EXOC6B: variants seen among roughly 807,000 people sequenced by gnomAD.
The protein encoded by EXOC6B is SEC15 homolog B.
EXOC6B carries 54 observed loss-of-function variants against 113.5 expected under a neutral mutation model. That is an observed-to-expected ratio of 0.48 (90% CI 0.38 to 0.60). The LOEUF is 0.60. EXOC6B is among the 20% of genes least tolerant of loss of function. The pLI is 0.00. For synonymous variants in EXOC6B, 357 were observed against 339.0 expected (o/e 1.05, Z -0.58); for missense variants, 797 against 977.5 (o/e 0.82, Z 2.46).
chr2:72,735,111 T>C (rs1030293142), intron 2 of EXOC6B, among the ~76,000 whole-genome samples: 2 of 152,330 alleles, frequency 1.3e-5, no homozygotes, highest in South Asian at 4.1e-4. Context: ...GCTATCCCCA[T>C]TACAGTAGTT....
At chr2:72,618,944 G>A (rs1293678209) in intron 6 of EXOC6B, among the ~76,000 whole-genome samples, 1 of 152,174 alleles carries the variant, frequency 6.6e-6, no homozygotes, top group African/African-American at 2.4e-5. Context: ...CTTGATAACA[G>A]GAACTGATTT....
rs532221835 is a variant in EXOC6B at position 72,422,149 on chromosome 2, G to A, written c.1981-42279C>T. On this transcript the variant is annotated intron_variant, in intron 18 of 21. Transcript: ENST00000272427. ...CCCGTGCGGCCCGAGCCTCCCCAAC[G>A]AGCACCACCCCCTGCTCCAGGGTGC... Among the ~76,000 whole-genome samples the A allele has an allele frequency of 2.0e-5, 3 of 152,254 alleles. No homozygotes were observed. The South Asian group carries it at 6.2e-4, about 32-fold the overall frequency.
chr2:72,179,970 C>T (rs1419747335), intron 21 of EXOC6B, among the ~76,000 whole-genome samples: 1 of 152,216 alleles, frequency 6.6e-6, no homozygotes, highest in Non-Finnish European at 1.5e-5. Flanking sequence ...TATTTCTAAA[C>T]CTCACTCTAG....
rs1701708252 is a variant in EXOC6B, at chr2:72,525,487, C to T, written c.916-10361G>A. 2.0e-5 allele frequency among the ~76,000 whole-genome samples: 3 copies of T among 152,000 alleles called. No individual in the cohort carries two copies. The South Asian group carries it at 6.2e-4, about 32-fold the overall frequency. On this transcript the variant is annotated intron_variant, in intron 8 of 21. Coordinates refer to ENST00000272427, the MANE Select transcript of EXOC6B (RefSeq NM_015189.3). The stretch of plus-strand genomic sequence containing the variant: ...TTAAAATTACAACTTACCTACCTGG[C>T]TAGAACAACAACAACAACAAAGGCA...
At chr2:72,714,780 G>A (rs1679500824) in intron 6 of EXOC6B, among the ~76,000 whole-genome samples, 1 of 152,046 alleles carries the variant, frequency 6.6e-6, no homozygotes, top group Admixed American at 6.6e-5. Context: ...TGAAGCAAGG[G>A]CTATGCTCCC....
chr2:72,649,462 G>A (rs545818620), intron 6 of EXOC6B, among the ~76,000 whole-genome samples: 19 of 151,642 alleles, frequency 1.3e-4, no homozygotes, highest in African/African-American at 3.6e-4. Context: ...AATGTCTCAC[G>A]TATCATATAA....
At chr2:72,435,671 G>T (rs979972243) in intron 18 of EXOC6B, among the ~76,000 whole-genome samples, 7 of 151,382 alleles carry the variant, frequency 4.6e-5, no homozygotes, top group Admixed American at 3.3e-4. Flanking sequence ...GATCTTTGTT[G>T]GTTTAAATTC....
At chr2:72,338,821 G>A (rs1003122168) in intron 19 of EXOC6B, among the ~76,000 whole-genome samples, 27 of 151,766 alleles carry the variant, frequency 1.8e-4, no homozygotes, top group Non-Finnish European at 3.5e-4. Context: ...AAGGTTATGA[G>A]GGTGTTTTTT....
chr2:72,349,904 G>A lies in EXOC6B; in HGVS notation c.2123-14884C>T, dbSNP rs1253825205. 2.6e-5 allele frequency among the ~76,000 whole-genome samples: 4 copies of A among 152,174 alleles called. No homozygotes were observed. The East Asian group carries it at 5.8e-4, about 22-fold the overall frequency. On this transcript the variant is annotated intron_variant, in intron 19 of 21. Transcript: ENST00000272427. The stretch of plus-strand genomic sequence containing the variant: ...GAGTCTGAAGTGGGGCAGTCTTGTC[G>A]GACTGACCCCCAATTTGTGGGGACT...
chr2:72,614,344 G>C (rs180907570), intron 6 of EXOC6B, among the ~76,000 whole-genome samples: 60 of 152,182 alleles, frequency 3.9e-4, no homozygotes, highest in Non-Finnish European at 7.9e-4. Context: ...ATGAAACAGG[G>C]GCAGGGCAGG....
At chr2:72,463,490 T>C (rs1462803534) in intron 18 of EXOC6B, 1 of 152,004 alleles carries the variant, frequency 6.6e-6, no homozygotes, top group East Asian at 1.9e-4. Context: ...TTGAGGAACG[T>C]AGACAAGGGC....
At chr2:72,764,364 C>CTTTTTTTTTTTTTTTTTTTTTTTTT (rs397869115) in intron 1 of EXOC6B, among the ~76,000 whole-genome samples, 1 of 66,770 alleles carries the variant, frequency 1.5e-5, no homozygotes, top group Non-Finnish European at 2.7e-5. Context: ...TATTTTCTCT[C>CTTTTTTTTTTTTTTTTTTTTTTTTT]TTTTTTTTTT....
chr2:72,525,246 T>C (rs1161475357), intron 8 of EXOC6B, among the ~76,000 whole-genome samples: 1 of 152,222 alleles, frequency 6.6e-6, no homozygotes, highest in Non-Finnish European at 1.5e-5. Context: ...CAAGACAGAG[T>C]GTTAATTTAT....
At chr2:72,206,454 C>T (rs976755683) in intron 20 of EXOC6B, among the ~76,000 whole-genome samples, 7 of 152,118 alleles carry the variant, frequency 4.6e-5, no homozygotes, top group African/African-American at 1.4e-4. Context: ...TAGATTTATC[C>T]CTTCTCTGAA....
intron 17 of EXOC6B, among the ~76,000 whole-genome samples, chr2:72,471,733 A>C (rs1262304365): frequency 6.6e-6 from 1 of 152,068 alleles, no homozygotes; most frequent in African/African-American, 2.4e-5. Context: ...CAGACTTCCA[A>C]TACTATGTTT....
intron 6 of EXOC6B, among the ~76,000 whole-genome samples, chr2:72,679,158 CTGGGT>C (rs1249094969): frequency 1.3e-5 from 2 of 151,974 alleles, no homozygotes; most frequent in Non-Finnish European, 2.9e-5. Flanking sequence ...CCTCTACCTC[CTGGGT>C]TCAAGCGATT....
Position 72,613,745 on chromosome 2 carries a change from C to CA in EXOC6B, c.670-38078dup, listed in dbSNP as rs760649122. ...TTTCATATGTAAGCATGCATGGAAGCAAAAAAAAAAAAATCTAAAAGGTCC... is the reference window on the plus strand; with the variant it reads ...TTTCATATGTAAGCATGCATGGAAGCAAAAAAAAAAAAAATCTAAAAGGTCC... On this transcript the variant is annotated intron_variant, in intron 6 of 21. Transcript: ENST00000272427. Among the ~76,000 whole-genome samples, 1,285 of 130,920 alleles carry CA rather than the reference C, an allele frequency of 9.8e-3. 51 individuals carry two copies. The highest frequency in any genetic ancestry group is 0.075 in the Admixed American group (1,004 of 13,322). 85.9% of individuals were successfully genotyped at this position (130,920 alleles called of 152,430 possible).
intron 6 of EXOC6B, among the ~76,000 whole-genome samples, chr2:72,616,813 C>T (rs530582489): frequency 9.2e-5 from 14 of 152,292 alleles, no homozygotes; most frequent in African/African-American, 3.1e-4. Flanking sequence ...CATGTCTTCA[C>T]ATTTCAAAAC....
intron 18 of EXOC6B, among the ~76,000 whole-genome samples, chr2:72,458,367 CA>C (rs1320355585): frequency 6.6e-6 from 1 of 152,058 alleles, no homozygotes; most frequent in Non-Finnish European, 1.5e-5. Context: ...AAGATAAACA[CA>C]AATGTTAGGC....
Sources: gnomAD v4.1 joint callset for allele counts (sites outside exome capture counted in the v4.1 genomes callset) on GRCh38, gnomAD v4.1.1 for gene constraint, MANE v1.5 for transcripts, NCBI Gene and HGNC (gene_info 2026-07-23, HGNC 2026-07-21) for gene names.